MACF1: variants seen among roughly 807,000 people sequenced by gnomAD.
The protein encoded by MACF1 is microtubule-actin cross-linking factor 1.
Under a neutral mutation model 854.8 loss-of-function variants are expected in MACF1, and 193 were observed. The observed-to-expected ratio is 0.23, with a 90% CI of 0.20 to 0.25. The LOEUF (loss-of-function observed/expected upper bound fraction) is 0.25. Ranked by LOEUF, MACF1 falls within the 10% of genes least tolerant of loss-of-function variation. The pLI, the probability that MACF1 is intolerant of heterozygous loss-of-function variation, is 1.00. For missense variants in MACF1, 7,722 were observed against 8,929.1 expected, an observed-to-expected ratio of 0.86 and a Z score of 5.45; for synonymous variants, 3,185 against 3,226.7, an observed-to-expected ratio of 0.99 and a Z score of 0.44.
chr1:39,296,455 C>T (rs1645902242), intron 20 of MACF1, among the ~76,000 whole-genome samples: 1 of 151,774 alleles, frequency 6.6e-6, no homozygotes, highest in Non-Finnish European at 1.5e-5. Flanking sequence ...GCTGGCCGGG[C>T]ACCATGGCTC....
At chr1:39,256,631 A>G (rs975508481) in intron 5 of MACF1, among the ~76,000 whole-genome samples, 13 of 151,900 alleles carry the variant, frequency 8.6e-5, no homozygotes, top group African/African-American at 2.9e-4. Flanking sequence ...TGCCCAGGAC[A>G]CTCCCAGTTT....
chr1:39,198,090 C>T (rs189679198), intron 2 of MACF1, among the ~76,000 whole-genome samples: 55 of 151,852 alleles, frequency 3.6e-4, no homozygotes, highest in African/African-American at 1.1e-3. Context: ...CCCAGCTACT[C>T]GGGAGGCAGA....
Position 39,117,533 on chromosome 1 carries a change from G to GGTGTGTGTGT in MACF1, c.220+33120_220+33129dup, listed in dbSNP as rs67609869. 4.1e-3 allele frequency among the ~76,000 whole-genome samples: 609 copies of GGTGTGTGTGT among 147,712 alleles called. 3 individuals carry two copies. Among genetic ancestry groups the GGTGTGTGTGT allele is most frequent in the South Asian group, 5.1e-3 (23 of 4,528 alleles). ...GCAATTTGTCTCTCAACCTGCAAGA[G>GGTGTGTGTGT]GTGTGTGTGTGTGTGTGTGTGTGTG... is the stretch of plus-strand genomic sequence containing the variant. On this transcript the variant is annotated intron_variant, in intron 2 of 93. Transcript: ENST00000361689.
At chr1:39,239,770 T>C (rs1644901166) in intron 2 of MACF1, among the ~76,000 whole-genome samples, 1 of 152,238 alleles carries the variant, frequency 6.6e-6, no homozygotes, top group Non-Finnish European at 1.5e-5. Context: ...ATCTAGCAGA[T>C]AGAGCAGTTC....
chr1:39,100,928 G>A (rs1394771898), intron 2 of MACF1, among the ~76,000 whole-genome samples: 20 of 152,092 alleles, frequency 1.3e-4, no homozygotes, highest in Admixed American at 1.3e-3. Context: ...GTGTGTGTGT[G>A]TGTATGTATA....
Position 39,387,528 on chromosome 1 carries a change from T to A in MACF1, c.14686T>A (p.Ser4896Thr). The A allele has an allele frequency of 6.2e-7, 1 of 1,614,010 alleles. No homozygotes were observed. The highest frequency in any genetic ancestry group is 8.5e-7 in the Non-Finnish European group (1 of 1,179,996). ...ELSKKTADRQ[S>T]RLKDCMQKAQ... ...TAGTAAAAAAACTGCAGACAGACAA[T>A]CCAGGCTCAAGGATTGTATGCAGAA... is the stretch of plus-strand genomic sequence containing the variant. The change falls in exon 58 of 101, where the codon TCC becomes ACC. Residue 4896 changes from serine to threonine, a missense_variant. Transcript: ENST00000564288.
chr1:39,371,064 T>C (rs1280361553), intron 51 of MACF1, among the ~76,000 whole-genome samples: 1 of 152,070 alleles, frequency 6.6e-6, no homozygotes, highest in Non-Finnish European at 1.5e-5. Context: ...TCAACGCCTG[T>C]AATACCAGCA....
At chr1:39,416,135 G>A (rs966598500) in intron 58 of MACF1, among the ~76,000 whole-genome samples, 1 of 152,168 alleles carries the variant, frequency 6.6e-6, no homozygotes, top group Admixed American at 6.5e-5. Flanking sequence ...GATTGATTAA[G>A]ATAATCTGGC....
At chr1:39,468,576 A>T in intron 95 of MACF1, 39 bp from the exon 96 acceptor site, 1 of 1,507,818 alleles carries the variant, frequency 6.6e-7, no homozygotes, top group Non-Finnish European at 9.2e-7. Context: ...GATCTGCTTT[A>T]AGACATATAT....
At chr1:39,171,786 C>T (rs1024972387) in intron 2 of MACF1, among the ~76,000 whole-genome samples, 1 of 152,084 alleles carries the variant, frequency 6.6e-6, no homozygotes, top group African/African-American at 2.4e-5. Flanking sequence ...CCACCACGCC[C>T]GGCTAATTTT....
At position 39,238,607 on chromosome 1, in the gene MACF1, T is replaced by G. The variant is rs562544955; in HGVS notation, c.171+7364T>G. ...CAGTGCTCTGGCTCCTTGCTGCCTG[T>G]TTGTAGCTGATGCTGCCTGTTGGAC... On this transcript the variant is annotated intron_variant, in intron 2 of 100. Transcript: ENST00000564288. 5.9e-5 allele frequency among the ~76,000 whole-genome samples: 9 copies of G among 152,304 alleles called. No individual in the cohort carries two copies. In the South Asian group the frequency reaches 1.5e-3, roughly 25 times the overall value.
Position 39,410,764 on chromosome 1 carries a change from GAGA to G in MACF1, c.15817-11604_15817-11602del, listed in dbSNP as rs765780043. 1.2e-5 allele frequency: 19 copies of G among 1,614,020 alleles called. No homozygotes were observed. In the East Asian group the frequency reaches 2.0e-4, roughly 17 times the overall value. ...TGGTGCTTCAAATCCTTCCTTGCAA[GAGA>G]AGAAGGAGTCCAGTTCTGCATTAAC... is the stretch of plus-strand genomic sequence containing the variant. On this transcript the variant is annotated intron_variant, in intron 58 of 100. Transcript: ENST00000564288.
chr1:39,346,899 T>C, intron 40 of MACF1, 78 bp from the exon 41 acceptor site: 1 of 907,634 alleles, frequency 1.1e-6, no homozygotes, highest in Non-Finnish European at 1.8e-6. Context: ...TCTCTGATTC[T>C]GTTGGTTTTC....
At chr1:39,469,886 C>T (rs1644744256) in intron 97 of MACF1, among the ~76,000 whole-genome samples, 2 of 152,218 alleles carry the variant, frequency 1.3e-5, no homozygotes, top group Admixed American at 1.3e-4. Context: ...ACAAGTAACA[C>T]ATTTATGCCT....
rs530886239 is a variant in MACF1 at position 39,272,095 on chromosome 1, C to T, written c.529-10113C>T. On this transcript the variant is annotated intron_variant, in intron 6 of 100. Transcript: ENST00000564288. ...AGCCAAGGCTGAAAAACTAAGTGACCGAGTCTCAGCTCAGACACCTGGCAT... is the reference window on the plus strand; with the variant it reads ...AGCCAAGGCTGAAAAACTAAGTGACTGAGTCTCAGCTCAGACACCTGGCAT... Among the ~76,000 whole-genome samples, 4 of 152,294 alleles carry T rather than the reference C, an allele frequency of 2.6e-5. No homozygotes were observed. The South Asian group carries it at 8.3e-4, about 32-fold the overall frequency.
At chr1:39,372,265 A>G (rs1034912493) in intron 51 of MACF1, among the ~76,000 whole-genome samples, 1 of 152,220 alleles carries the variant, frequency 6.6e-6, no homozygotes. Flanking sequence ...TGGTTTTAGA[A>G]ATTGTATCAT....
intron 49 of MACF1, among the ~76,000 whole-genome samples, chr1:39,367,817 A>G (rs957886002): frequency 6.6e-6 from 1 of 152,076 alleles, no homozygotes; most frequent in Non-Finnish European, 1.5e-5. Context: ...AATACAAAAA[A>G]TAATTAGCTG....
chr1:39,338,737 C>T (rs1467942759), intron 38 of MACF1, among the ~76,000 whole-genome samples: 1 of 152,170 alleles, frequency 6.6e-6, no homozygotes, highest in Admixed American at 6.5e-5. Flanking sequence ...GAATTTTGAG[C>T]TATATCCTTG....
intron 6 of MACF1, among the ~76,000 whole-genome samples, chr1:39,278,704 A>G (rs1226013152): frequency 6.6e-6 from 1 of 152,198 alleles, no homozygotes; most frequent in African/African-American, 2.4e-5. Flanking sequence ...TCAATGTTGC[A>G]TTTAGCCAGT....
Sources: gnomAD v4.1 joint callset for allele counts (sites outside exome capture counted in the v4.1 genomes callset) on GRCh38, gnomAD v4.1.1 for gene constraint, MANE v1.5 for transcripts, NCBI Gene and HGNC (gene_info 2026-07-23, HGNC 2026-07-21) for gene names.